KCNK10: variants seen among roughly 807,000 people sequenced by gnomAD.
The protein encoded by KCNK10 is potassium channel subfamily K member 10.
In KCNK10, 25 loss-of-function variants were observed where a neutral mutation model predicts 47.7. The observed-to-expected ratio is 0.52, with a 90% CI of 0.38 to 0.73. KCNK10 has a LOEUF of 0.73. Ranked by LOEUF, KCNK10 falls within the 30% of genes least tolerant of loss-of-function variation. The pLI is 0.00. For missense variants in KCNK10, 563 were observed against 714.5 expected, an observed-to-expected ratio of 0.79 and a Z score of 2.42; for synonymous variants, 303 against 285.6, an observed-to-expected ratio of 1.06 and a Z score of -0.61.
chr14:88,322,641 C>A lies in KCNK10; in HGVS notation c.52+106G>T. 1.3e-6 allele frequency: 2 copies of A among 1,507,538 alleles called. No homozygotes were observed. Among genetic ancestry groups the A allele is most frequent in the Non-Finnish European group, 9.2e-7 (1 of 1,087,414 alleles). 93.4% of individuals were successfully genotyped at this position (1,507,538 alleles called of 1,614,324 possible). On this transcript the variant is annotated intron_variant, in intron 1 of 6. Coordinates refer to ENST00000319231, the MANE Select transcript of KCNK10 (RefSeq NM_138317.3). The surrounding 1 kb of genome is among the most constrained non-coding windows in gnomAD (Gnocchi z 4.8). ...TGCAGTTCCCAGGCGCATTTCCCAG[C>A]CTCAGGACACACGCTGCCAGAAGCA...
In KCNK10 at chr14:88,240,816, G is replaced by A. The variant is rs1386506322; in HGVS notation, c.407C>T (p.Ala136Val). Reference sequence around the variant, plus strand: ...GACTCCCGCATTGTCAGCATCAAGAGCATGCTGCAAAGAAAGGGAAAAAGC... The same window carrying A: ...GACTCCCGCATTGTCAGCATCAAGAACATGCTGCAAAGAAAGGGAAAAAGC... ...PQELETLIQH[A>V]LDADNAGVSP... The change falls in exon 3 of 7, where the codon GCT (alanine) becomes GTT (valine). Residue 136 changes from alanine to valine, a missense_variant. By Grantham distance (64) the Ala-to-Val change is moderately conservative. Transcript: ENST00000319231. The A allele has an allele frequency of 6.3e-7, 1 of 1,596,080 alleles. No homozygotes were observed. Among genetic ancestry groups the A allele is most frequent in the Non-Finnish European group, 8.6e-7 (1 of 1,164,362 alleles).
At chr14:88,205,172 G>T (rs530631664) in intron 4 of KCNK10, among the ~76,000 whole-genome samples, 1 of 152,164 alleles carries the variant, frequency 6.6e-6, no homozygotes, top group African/African-American at 2.4e-5. Flanking sequence ...CTTCTTCCAC[G>T]CAGCAATATG....
At chr14:88,216,324 C>A (rs1175716185) in intron 4 of KCNK10, among the ~76,000 whole-genome samples, 1 of 152,168 alleles carries the variant, frequency 6.6e-6, no homozygotes, top group Non-Finnish European at 1.5e-5. Flanking sequence ...GTCTTTGGGG[C>A]AATTGTCCCC....
chr14:88,274,805 CT>C (rs1485005849), intron 1 of KCNK10, among the ~76,000 whole-genome samples: 3 of 152,142 alleles, frequency 2.0e-5, no homozygotes, highest in Admixed American at 2.0e-4. Flanking sequence ...TGCATGCCCC[CT>C]GTGTGCCAGG....
chr14:88,289,768 C>T (rs1029042317), intron 1 of KCNK10, among the ~76,000 whole-genome samples: 1 of 152,220 alleles, frequency 6.6e-6, no homozygotes, highest in Non-Finnish European at 1.5e-5. Context: ...TGTTCTTATC[C>T]TTAAAATGGA....
At chr14:88,261,457 T>G (rs1342428086) in intron 2 of KCNK10, among the ~76,000 whole-genome samples, 2 of 152,148 alleles carry the variant, frequency 1.3e-5, no homozygotes, top group African/African-American at 4.8e-5. Flanking sequence ...CATTTTCCCA[T>G]GAAAGAAGAA....
At chr14:88,290,206 G>A (rs1654879025) in intron 1 of KCNK10, among the ~76,000 whole-genome samples, 1 of 152,136 alleles carries the variant, frequency 6.6e-6, no homozygotes, top group Admixed American at 6.6e-5. Context: ...GGGAGCGGGA[G>A]GGCCAGAGAG....
At chr14:88,201,229 GA>G (rs1434944065) in intron 4 of KCNK10, among the ~76,000 whole-genome samples, 2 of 152,174 alleles carry the variant, frequency 1.3e-5, no homozygotes, top group Middle Eastern at 3.2e-3. Context: ...ATGCCTCCAG[GA>G]AATGCCAGCT....
In KCNK10 at chr14:88,181,750, G is replaced by C. The variant is rs1884367488; in HGVS notation, c.*3785C>G. ...TAAGCTCTCACCTTAACCTAAAATG[G>C]GCAAGACAATTAATTAGTCATTATT... On this transcript the variant is annotated 3_prime_UTR_variant, in exon 7 of 7. Coordinates refer to ENST00000319231, the MANE Select transcript of KCNK10 (RefSeq NM_138317.3). 1 of 151,924 alleles carries C rather than the reference G, an allele frequency of 6.6e-6. No individual in the cohort carries two copies. The highest frequency in any genetic ancestry group is 2.1e-4 in the South Asian group (1 of 4,818). 9.4% of individuals were successfully genotyped at this position (151,924 alleles called of 1,614,324 possible).
intron 5 of KCNK10, among the ~76,000 whole-genome samples, chr14:88,190,092 A>G (rs1043015134): frequency 7.9e-5 from 12 of 152,200 alleles, no homozygotes; most frequent in African/African-American, 2.9e-4. Context: ...GTAAAGTACT[A>G]GTTTGTACTA....
chr14:88,180,873 A>G lies in KCNK10; in HGVS notation c.*4662T>C. The G allele has an allele frequency of 5.0e-6, 2 of 398,742 alleles. No homozygotes were observed. The highest frequency in any genetic ancestry group is 8.8e-6 in the Non-Finnish European group (2 of 226,048). 24.7% of individuals were successfully genotyped at this position (398,742 alleles called of 1,614,324 possible). On this transcript the variant is annotated 3_prime_UTR_variant, in exon 7 of 7. Coordinates refer to ENST00000319231, the MANE Select transcript of KCNK10 (RefSeq NM_138317.3). Reference sequence around the variant, plus strand: ...CTGTTCCAAAGTTTCCCTATGCAGAATTAACAGCATCCACAATGCCACACT... The same window carrying G: ...CTGTTCCAAAGTTTCCCTATGCAGAGTTAACAGCATCCACAATGCCACACT...
chr14:88,314,084 T>C (rs12586737), intron 1 of KCNK10, among the ~76,000 whole-genome samples: 1 of 152,108 alleles, frequency 6.6e-6, no homozygotes, highest in South Asian at 2.1e-4. Flanking sequence ...AGAAAACTAA[T>C]GCTAGGAAAG....
chr14:88,274,031 G>A (rs58002379), intron 1 of KCNK10, among the ~76,000 whole-genome samples: 8,201 of 150,990 alleles, frequency 0.054, 500 homozygotes, highest in African/African-American at 0.15. Context: ...ACTGGCTCCC[G>A]GAGGGGTCTC....
chr14:88,307,327 T>TCTCACA (rs1555365481), intron 1 of KCNK10, among the ~76,000 whole-genome samples: 1 of 148,850 alleles, frequency 6.7e-6, no homozygotes, highest in Admixed American at 6.7e-5. Context: ...AAGAAGCTGA[T>TCTCACA]CACACACACA....
At position 88,188,193 on chromosome 14, in the gene KCNK10, A is replaced by G. The variant is rs537992028; in HGVS notation, c.869-84T>C. ...ACATATTCCATTCCATGTAGTGAAG[A>G]CGTCATCCATCATTGTTTAACACTC... is the stretch of plus-strand genomic sequence containing the variant. On this transcript the variant is annotated intron_variant, in intron 5 of 6. Coordinates refer to ENST00000319231, the MANE Select transcript of KCNK10 (RefSeq NM_138317.3). 1.1e-4 allele frequency: 168 copies of G among 1,463,604 alleles called. No homozygotes were observed. The African/African-American group carries it at 2.0e-3, about 18-fold the overall frequency. 90.7% of individuals were successfully genotyped at this position (1,463,604 alleles called of 1,614,324 possible). A position where few individuals can be genotyped will look rare whatever the true frequency, so the allele number is the denominator to read the frequency against.
chr14:88,279,601 T>A lies in KCNK10; in HGVS notation c.53-16050A>T, dbSNP rs926163486. Reference sequence around the variant, plus strand: ...TATTTGGGATATACTTATACTTTTTTAAAAAGTTTTCTGAAATTCAAATTT... The same window carrying A: ...TATTTGGGATATACTTATACTTTTTAAAAAAGTTTTCTGAAATTCAAATTT... On this transcript the variant is annotated intron_variant, in intron 1 of 6. Coordinates refer to ENST00000319231, the MANE Select transcript of KCNK10 (RefSeq NM_138317.3). 4.7e-4 allele frequency among the ~76,000 whole-genome samples: 72 copies of A among 152,308 alleles called. 1 individual carries two copies. The highest frequency in any genetic ancestry group is 7.7e-4 in the East Asian group (4 of 5,182).
intron 1 of KCNK10, among the ~76,000 whole-genome samples, chr14:88,263,820 A>C (rs1887184335): frequency 1.3e-5 from 2 of 152,284 alleles, no homozygotes; most frequent in South Asian, 4.1e-4. Context: ...CGAGGGTCCA[A>C]ATTGAAAGCT....
chr14:88,322,023 G>A lies in KCNK10; in HGVS notation c.52+724C>T, dbSNP rs1888556935. ...CCGTCTTAATCCCTCCCTTTTGCGT[G>A]GATGAAACCTGGTCCAACATTCGTA... On this transcript the variant is annotated intron_variant, in intron 1 of 6. Transcript: ENST00000319231. The surrounding 1 kb of genome is among the most constrained non-coding windows in gnomAD (Gnocchi z 4.8). 6.6e-6 allele frequency among the ~76,000 whole-genome samples: 1 copy of A among 152,178 alleles called. No homozygotes were observed. The highest frequency in any genetic ancestry group is 2.4e-5 in the African/African-American group (1 of 41,426).
At position 88,310,200 on chromosome 14, in the gene KCNK10, T is replaced by TATATCATATACCATATC. The variant is rs1566721473; in HGVS notation, c.52+12546_52+12547insGATATGGTATATGATAT. On this transcript the variant is annotated intron_variant, in intron 1 of 6. Coordinates refer to ENST00000319231, the MANE Select transcript of KCNK10 (RefSeq NM_138317.3). Reference sequence around the variant, plus strand: ...GTATATGATATACCATATCATATGGTATATGATATACCATATCATATGGTA... The same window carrying TATATCATATACCATATC: ...GTATATGATATACCATATCATATGGTATATCATATACCATATCATATGATATACCATATCATATGGTA... Among the ~76,000 whole-genome samples the TATATCATATACCATATC allele has an allele frequency of 3.8e-3, 465 of 123,836 alleles. 30 individuals are homozygous for TATATCATATACCATATC. Among genetic ancestry groups the TATATCATATACCATATC allele is most frequent in the East Asian group, 9.5e-3 (43 of 4,548 alleles). The allele number at this position is 123,836 out of a possible 152,430, so 81.2% of individuals were successfully genotyped here.
Sources: allele counts gnomAD v4.1 joint callset (sites outside exome capture counted in the v4.1 genomes callset), GRCh38; gene constraint gnomAD v4.1.1; non-coding constraint Gnocchi (gnomAD v3.1); transcripts MANE v1.5; gene names NCBI Gene and HGNC (gene_info 2026-07-23, HGNC 2026-07-21).